The following CNTNAP3B variants were observed in gnomAD, a reference collection of about 807,000 sequenced individuals.
CNTNAP3B encodes contactin-associated protein-like 3B.
Under a neutral mutation model 108.9 loss-of-function variants are expected in CNTNAP3B, and 25 were observed. That is an observed-to-expected ratio of 0.23 (90% CI 0.17 to 0.32). The LOEUF (loss-of-function observed/expected upper bound fraction) is 0.32, where lower values mean the gene tolerates loss of function less well. CNTNAP3B is among the 10% of genes least tolerant of loss of function. The pLI, the probability that CNTNAP3B is intolerant of heterozygous loss-of-function variation, is 1.00. For missense variants in CNTNAP3B, 252 were observed against 1,210.4 expected (o/e 0.21, Z 11.75); for synonymous variants, 103 against 473.4 (o/e 0.22, Z 10.16).
Position 41,993,557 on chromosome 9 carries a change from G to T in CNTNAP3B, c.1072-1686C>A, listed in dbSNP as rs1220910374. On this transcript the variant is annotated intron_variant, in intron 7 of 23. Coordinates refer to ENST00000377561, the MANE Select transcript of CNTNAP3B (RefSeq NM_001201380.3). ...TACCAAAAGCTTACAACTAATTGGC[G>T]CTGATCCGTAGTACACATGTAATCA... is the stretch of plus-strand genomic sequence containing the variant. 1.9e-5 allele frequency: 2 copies of T among 107,244 alleles called. 1 individual carries two copies. The highest frequency in any genetic ancestry group is 7.4e-5 in the African/African-American group (2 of 27,014). 6.6% of individuals were successfully genotyped at this position (107,244 alleles called of 1,614,324 possible). A position where few individuals can be genotyped will look rare whatever the true frequency, so the allele number is the denominator to read the frequency against.
At chr9:41,954,529 A>C (rs1435581982) in intron 12 of CNTNAP3B, among the ~76,000 whole-genome samples, 2 of 152,298 alleles carry the variant, frequency 1.3e-5, no homozygotes, top group Non-Finnish European at 2.9e-5. Context: ...TACAGAAAAA[A>C]ATCTGCAAAT....
chr9:42,096,003 T>C (rs1827891000), intron 2 of CNTNAP3B, among the ~76,000 whole-genome samples: 1 of 138,674 alleles, frequency 7.2e-6, no homozygotes, highest in Non-Finnish European at 1.5e-5. Flanking sequence ...CTCCTCCCTC[T>C]GCCAGACCTC....
rs1013813939 is a variant in CNTNAP3B, at chr9:42,097,807, T to A, written c.196+6822A>T. On this transcript the variant is annotated intron_variant, in intron 2 of 23. Transcript: ENST00000377561. ...GTGTCTGAGATTCATCAACTGAGCATGGAATAAGAAGAGAATAGCACTTTA... is the reference window on the plus strand; with the variant it reads ...GTGTCTGAGATTCATCAACTGAGCAAGGAATAAGAAGAGAATAGCACTTTA... Among the ~76,000 whole-genome samples the A allele has an allele frequency of 3.4e-4, 47 of 136,540 alleles. 10 individuals are homozygous for A. The highest frequency in any genetic ancestry group is 1.4e-3 in the African/African-American group (47 of 33,992). 89.6% of individuals were successfully genotyped at this position (136,540 alleles called of 152,430 possible).
Position 42,088,520 on chromosome 9 carries a change from G to A in CNTNAP3B, c.197-11458C>T, listed in dbSNP as rs553328232. On this transcript the variant is annotated intron_variant, in intron 2 of 23. Coordinates refer to ENST00000377561, the MANE Select transcript of CNTNAP3B (RefSeq NM_001201380.3). ...TATGCTGCTGAAGCATACTCTTTGC[G>A]TAAGTAAGTAAGATTAATTTCTTTA... Among the ~76,000 whole-genome samples, 24 of 135,930 alleles carry A rather than the reference G, an allele frequency of 1.8e-4. 3 individuals carry two copies. Among genetic ancestry groups the A allele is most frequent in the East Asian group, 1.1e-3 (5 of 4,460 alleles). 89.2% of individuals were successfully genotyped at this position (135,930 alleles called of 152,430 possible).
At position 42,061,347 on chromosome 9, in the gene CNTNAP3B, C is replaced by T. The variant is rs1286042741; in HGVS notation, c.390+15522G>A. On this transcript the variant is annotated intron_variant, in intron 3 of 23. Transcript: ENST00000377561. ...TTTTTTTTTTTTTTTTTGAGACAGTCTCGCTCTGTCACCAGGCTGCAGTGC... is the reference window on the plus strand; with the variant it reads ...TTTTTTTTTTTTTTTTTGAGACAGTTTCGCTCTGTCACCAGGCTGCAGTGC... Among the ~76,000 whole-genome samples the T allele has an allele frequency of 5.8e-3, 676 of 115,980 alleles. 6 individuals are homozygous for T. Among genetic ancestry groups the T allele is most frequent in the Middle Eastern group, 0.013 (2 of 158 alleles). 76.1% of individuals were successfully genotyped at this position (115,980 alleles called of 152,430 possible). A position where few individuals can be genotyped will look rare whatever the true frequency, so the allele number is the denominator to read the frequency against.
At position 42,066,176 on chromosome 9, in the gene CNTNAP3B, C is replaced by A. The variant is rs1449514518; in HGVS notation, c.390+10693G>T. ...TCTTTACATTACTGAGTCTTCATAT[C>A]CATAAATGAGAATTTACACAGATCT... On this transcript the variant is annotated intron_variant, in intron 3 of 23. Coordinates refer to ENST00000377561, the MANE Select transcript of CNTNAP3B (RefSeq NM_001201380.3). Among the ~76,000 whole-genome samples the A allele has an allele frequency of 1.5e-5, 2 of 137,026 alleles. 1 individual carries two copies. Among genetic ancestry groups the A allele is most frequent in the Non-Finnish European group, 3.1e-5 (2 of 64,306 alleles). The allele number at this position is 137,026 out of a possible 152,430, so 89.9% of individuals were successfully genotyped here.
chr9:41,915,791 T>A, intron 18 of CNTNAP3B, among the ~76,000 whole-genome samples: 1 of 150,448 alleles, frequency 6.6e-6, no homozygotes. Flanking sequence ...ATATGTTGAC[T>A]GATTTTCATT....
At chr9:41,921,577 GC>G (rs1277965482) in intron 17 of CNTNAP3B, among the ~76,000 whole-genome samples, 1 of 152,266 alleles carries the variant, frequency 6.6e-6, no homozygotes, top group Non-Finnish European at 1.5e-5. Flanking sequence ...ACAAGTGAGA[GC>G]TTTAATCTGT....
chr9:41,932,315 A>T (rs1391436953), intron 14 of CNTNAP3B, among the ~76,000 whole-genome samples: 2 of 152,046 alleles, frequency 1.3e-5, no homozygotes, highest in Non-Finnish European at 2.9e-5. Context: ...CTTTTATTTT[A>T]TATTTTATTA....
chr9:41,963,164 C>T (rs1275457158), intron 11 of CNTNAP3B, among the ~76,000 whole-genome samples: 1 of 152,300 alleles, frequency 6.6e-6, no homozygotes, highest in Admixed American at 6.5e-5. Flanking sequence ...TAACACTCCA[C>T]AGCCTGCCTT....
At chr9:41,928,660 A>G (rs1015634196) in intron 15 of CNTNAP3B, among the ~76,000 whole-genome samples, 24 of 152,240 alleles carry the variant, frequency 1.6e-4, no homozygotes, top group Non-Finnish European at 3.1e-4. Flanking sequence ...ATAAAAATAC[A>G]TTTAGTCTCA....
At position 41,986,184 on chromosome 9, in the gene CNTNAP3B, G is replaced by A; in HGVS notation, c.1461C>T (p.Asp487=). The A allele has an allele frequency of 8.8e-7, 1 of 1,132,930 alleles. No homozygotes were observed. Among genetic ancestry groups the A allele is most frequent in the Non-Finnish European group, 1.2e-6 (1 of 842,184 alleles). 70.2% of individuals were successfully genotyped at this position (1,132,930 alleles called of 1,614,324 possible). Residue 487 remains aspartate, a synonymous_variant, in exon 9 of 24, where the codon GAC becomes GAT. Coordinates refer to ENST00000377561, the MANE Select transcript of CNTNAP3B (RefSeq NM_001201380.3). ...TTCTCTTACCTCCAAAATAATAGGT[G>A]TCACCTGAATCAATGAGCACAGCCA... ...PLVAVLIDSG[D]TYYFGGCLGN...
At chr9:41,967,479 C>A (rs1231065594) in intron 10 of CNTNAP3B, among the ~76,000 whole-genome samples, 2 of 152,158 alleles carry the variant, frequency 1.3e-5, no homozygotes, top group Non-Finnish European at 1.5e-5. Flanking sequence ...TTTATAATTA[C>A]CCAGTCTTGG....
At chr9:42,066,373 TATTAA>T (rs1390817923) in intron 3 of CNTNAP3B, among the ~76,000 whole-genome samples, 2 of 88,136 alleles carry the variant, frequency 2.3e-5, no homozygotes, top group Admixed American at 1.3e-4. Flanking sequence ...TATTTCTGAT[TATTAA>T]ATTAATTTCC....
intron 13 of CNTNAP3B, among the ~76,000 whole-genome samples, chr9:41,947,785 T>G (rs1369794997): frequency 2.6e-5 from 4 of 152,200 alleles, no homozygotes; most frequent in Non-Finnish European, 5.9e-5. Flanking sequence ...CTATAAAGAC[T>G]GACAGACAAA....
chr9:41,934,097 T>TTATATATATATATATATATA (rs1824065333), intron 14 of CNTNAP3B, among the ~76,000 whole-genome samples: 1 of 20,002 alleles, frequency 5.0e-5, no homozygotes, highest in Admixed American at 6.2e-4. Flanking sequence ...TGCATATTTG[T>TTATATATATATATATATATA]TACATATATA....
chr9:41,939,756 T>A (rs1824276696), intron 13 of CNTNAP3B, among the ~76,000 whole-genome samples: 1 of 152,396 alleles, frequency 6.6e-6, no homozygotes. Context: ...ATATTCCCCA[T>A]AAAGTAGTAA....
At chr9:41,954,307 T>C (rs1200907031) in intron 12 of CNTNAP3B, among the ~76,000 whole-genome samples, 1 of 152,278 alleles carries the variant, frequency 6.6e-6, no homozygotes, top group East Asian at 1.9e-4. Flanking sequence ...CTCCCAGCCC[T>C]TCACATCTCA....
intron 13 of CNTNAP3B, among the ~76,000 whole-genome samples, chr9:41,942,796 A>G (rs1824399337): frequency 6.6e-6 from 1 of 152,004 alleles, no homozygotes. Context: ...AACGGAAGAA[A>G]GAAAAATAAA....
Sources: gnomAD v4.1 joint callset for allele counts (sites outside exome capture counted in the v4.1 genomes callset) on GRCh38, gnomAD v4.1.1 for gene constraint, MANE v1.5 for transcripts, NCBI Gene and HGNC (gene_info 2026-07-23, HGNC 2026-07-21) for gene names.